The following DHX37 variants were observed in gnomAD, a reference collection of about 807,000 sequenced individuals.
DHX37 encodes DEAH-box helicase 37.
Under a neutral mutation model 134.3 loss-of-function variants are expected in DHX37, and 52 were observed. The ratio of observed to expected loss-of-function variants is 0.39; its 90% CI spans 0.31 to 0.49. The LOEUF (loss-of-function observed/expected upper bound fraction) is 0.49, where lower values mean the gene tolerates loss of function less well. Ranked by LOEUF, DHX37 falls within the 20% of genes least tolerant of loss-of-function variation. DHX37 has a pLI of 0.93. For missense variants in DHX37, 1,344 were observed against 1,580.8 expected (o/e 0.85, Z 2.54); for synonymous variants, 634 against 670.7 (o/e 0.95, Z 0.85).
chr12:124,947,832 C>G lies in DHX37; in HGVS notation c.3444G>C (p.Glu1148Asp). The part of the protein sequence containing the change: ...WLPQAMHPDI[E>D]KAWPPTTVH ...GGACAGTGGTGGGGGGCCAGGCTTTCTCGATATCGGGGTGCATGGCCTGTG... is the reference window on the plus strand; with the variant it reads ...GGACAGTGGTGGGGGGCCAGGCTTTGTCGATATCGGGGTGCATGGCCTGTG... The change falls in exon 27 of 27, where the codon GAG (glutamate) becomes GAC (aspartate). Residue 1148 changes from glutamate (E) to aspartate (D), a missense_variant. By Grantham distance (45) the Glu-to-Asp change is conservative. Around this residue, in one of 7 missense-constraint regions of DHX37, gnomAD observed 558 missense variants for 650.0 expected, o/e 0.86. Transcript: ENST00000308736. The G allele has an allele frequency of 6.2e-7, 1 of 1,600,774 alleles. No individual in the cohort carries two copies. Among genetic ancestry groups the G allele is most frequent in the Non-Finnish European group, 8.5e-7 (1 of 1,172,676 alleles).
rs557443291 is a variant in DHX37 at position 124,947,562 on chromosome 12, T to G, written c.*240A>C. On this transcript the variant is annotated 3_prime_UTR_variant, in exon 27 of 27. Transcript: ENST00000308736. ...ACAGAACAGCGTCCAGCACGTGAGA[T>G]GAAATCATCATCCACCATATAATAA... 7 of 507,060 alleles carry G rather than the reference T, an allele frequency of 1.4e-5. No individual in the cohort carries two copies. In the South Asian group the frequency reaches 2.1e-4, roughly 15 times the overall value. The allele number at this position is 507,060 out of a possible 1,614,324, so 31.4% of individuals were successfully genotyped here.
intron 13 of DHX37, 35 bp from the exon 14 acceptor site, chr12:124,965,041 C>T (rs376879724): frequency 1.1e-5 from 17 of 1,573,092 alleles, no homozygotes; most frequent in East Asian, 4.6e-5. Flanking sequence ...GCACCCAGGC[C>T]GGGACAGATG....
In DHX37 at chr12:124,971,422, G is replaced by T. The variant is rs766592336; in HGVS notation, c.1078-7C>A. ...ACCGCAGCAGCAGGAAGTCCTGGGGGGAGGTCCGGGGTGAGGCCCACCCTT... is the reference window on the plus strand; with the variant it reads ...ACCGCAGCAGCAGGAAGTCCTGGGGTGAGGTCCGGGGTGAGGCCCACCCTT... On this transcript the variant is annotated splice_region_variant and splice_polypyrimidine_tract_variant and intron_variant, in intron 7 of 26. Transcript: ENST00000308736. 1.1e-5 allele frequency: 18 copies of T among 1,612,490 alleles called. No individual in the cohort carries two copies. In the South Asian group the frequency reaches 2.0e-4, roughly 18 times the overall value.
At chr12:124,951,367 A>ATGACATGTC (rs1953974404) in intron 21 of DHX37, among the ~76,000 whole-genome samples, 1 of 152,076 alleles carries the variant, frequency 6.6e-6, no homozygotes, top group Non-Finnish European at 1.5e-5. Context: ...GAGGCCAGAC[A>ATGACATGTC]TGAAAAGCCA....
chr12:124,966,673 A>T, intron 12 of DHX37, 120 bp downstream of exon 12: 2 of 1,113,668 alleles, frequency 1.8e-6, no homozygotes, highest in South Asian at 2.8e-5. Flanking sequence ...CAGGAACTGG[A>T]TTTTTAACTT....
rs1244203130 is a variant in DHX37 at position 124,961,283 on chromosome 12, CACACTT to C, written c.2046-866_2046-861del. 4.0e-5 allele frequency among the ~76,000 whole-genome samples: 5 copies of C among 125,944 alleles called. 1 individual carries two copies. Among genetic ancestry groups the C allele is most frequent in the African/African-American group, 1.2e-4 (4 of 33,638 alleles). 82.6% of individuals were successfully genotyped at this position (125,944 alleles called of 152,430 possible). ...ACACACATACACGCGTGCACGCACA[CACACTT>C]ACACGCGTGCACGCACGCACACACA... On this transcript the variant is annotated intron_variant, in intron 15 of 26. Transcript: ENST00000308736.
At position 124,947,983 on chromosome 12, in the gene DHX37, T is replaced by A. The variant is rs763194368; in HGVS notation, c.3389-96A>T. 4 of 1,612,936 alleles carry A rather than the reference T, an allele frequency of 2.5e-6. No individual in the cohort carries two copies. The Admixed American group carries it at 6.7e-5, about 27-fold the overall frequency. ...GCTGGCCAGCAGCCGTGGGGCCAGA[T>A]CCTTCTGCCAAGCCAGGGCTGACCG... On this transcript the variant is annotated intron_variant, in intron 26 of 26. Transcript: ENST00000308736.
rs770178274 is a variant in DHX37 at position 124,950,684 on chromosome 12, C to T, written c.2983+6G>A. ...GGGACAAGGGGCTGTCCGCAGGCCT[C>T]GGCACCTTTCATGTACATCTTAGTG... On this transcript the variant is annotated splice_donor_region_variant and intron_variant, in intron 22 of 26. Transcript: ENST00000308736. 9 of 1,612,126 alleles carry T rather than the reference C, an allele frequency of 5.6e-6. No individual in the cohort carries two copies. Among genetic ancestry groups the T allele is most frequent in the East Asian group, 2.2e-5 (1 of 44,866 alleles).
intron 2 of DHX37, among the ~76,000 whole-genome samples, chr12:124,983,560 G>A (rs1299871222): frequency 4.0e-5 from 6 of 151,692 alleles, no homozygotes; most frequent in African/African-American, 1.5e-4. Flanking sequence ...CGAGGCGGGT[G>A]GATCACCTGA....
chr12:124,989,099 G>A lies in DHX37; in HGVS notation c.-77C>T, dbSNP rs892721819. 3.1e-6 allele frequency: 3 copies of A among 954,344 alleles called. No homozygotes were observed. Among genetic ancestry groups the A allele is most frequent in the Non-Finnish European group, 4.2e-6 (3 of 720,634 alleles). 59.1% of individuals were successfully genotyped at this position (954,344 alleles called of 1,614,324 possible). On this transcript the variant is annotated 5_prime_UTR_variant, in exon 1 of 27. Transcript: ENST00000308736. ...GAAACCCAGCCCACGTGGGTTCCCA[G>A]ACCACCAACTCCGGCCGTGAGACTT...
Position 124,956,583 on chromosome 12 carries a change from G to T in DHX37, c.2453+108C>A, listed in dbSNP as rs188104729. The T allele has an allele frequency of 1.5e-5, 20 of 1,358,392 alleles. No individual in the cohort carries two copies. The Admixed American group carries it at 5.1e-4, about 34-fold the overall frequency. 84.1% of individuals were successfully genotyped at this position (1,358,392 alleles called of 1,614,324 possible). On this transcript the variant is annotated intron_variant, in intron 18 of 26. Transcript: ENST00000308736. ...AGCTCACTGCAACCTCTACCTCCTG[G>T]GTTCAAATGATTCTTCTACCTCAGC...
At chr12:124,950,357 C>T (rs113303531) in intron 23 of DHX37, 56 bp downstream of exon 23, 87 of 1,593,662 alleles carry the variant, frequency 5.5e-5, no homozygotes, top group Admixed American at 6.9e-5. Context: ...ACCGTGTGTC[C>T]GAGAAGCCCA....
At chr12:124,957,181 C>A in intron 16 of DHX37, 46 bp from the exon 17 acceptor site, 1 of 1,452,824 alleles carries the variant, frequency 6.9e-7, no homozygotes, top group South Asian at 1.5e-5. Flanking sequence ...ATGCCAAGAA[C>A]AAGTCCGGTG....
intron 3 of DHX37, among the ~76,000 whole-genome samples, chr12:124,981,308 C>G (rs1954754524): frequency 6.6e-6 from 1 of 151,212 alleles, no homozygotes; most frequent in South Asian, 2.1e-4. Context: ...CCAGTCAGGC[C>G]TCATGTAAAT....
chr12:124,954,360 A>T, intron 18 of DHX37, 149 bp from the exon 19 acceptor site: 1 of 1,235,462 alleles, frequency 8.1e-7, no homozygotes, highest in Non-Finnish European at 1.1e-6. Context: ...CCAGCTCAAA[A>T]TTCACCATTG....
intron 5 of DHX37, among the ~76,000 whole-genome samples, chr12:124,976,571 T>TGTA (rs1565890905): frequency 6.6e-6 from 1 of 152,186 alleles, no homozygotes; most frequent in African/African-American, 2.4e-5. Context: ...GGCTCATGCC[T>TGTA]GTAATCCCAG....
Position 124,950,871 on chromosome 12 carries a change from C to T in DHX37, c.2869-67G>A. On this transcript the variant is annotated intron_variant, in intron 21 of 26. Transcript: ENST00000308736. ...GCCCAGGGGCTCCGCATACTTTCAACCCAGGAGAAGAATCTGATTATCCAC... is the reference window on the plus strand; with the variant it reads ...GCCCAGGGGCTCCGCATACTTTCAATCCAGGAGAAGAATCTGATTATCCAC... 2.7e-6 allele frequency: 4 copies of T among 1,496,268 alleles called. No individual in the cohort carries two copies. In the South Asian group the frequency reaches 5.4e-5, roughly 20 times the overall value. The allele number at this position is 1,496,268 out of a possible 1,614,324, so 92.7% of individuals were successfully genotyped here.
Position 124,975,632 on chromosome 12 carries a change from A to G in DHX37, c.888-121T>C, listed in dbSNP as rs1381717839. On this transcript the variant is annotated intron_variant, in intron 5 of 26. Transcript: ENST00000308736. ...CTGGCGCTCACCCAGGGGCGGTGGG[A>G]AACAGTGCCAGGTTGCACTACTTTT... The G allele has an allele frequency of 7.0e-6, 7 of 1,007,132 alleles. No homozygotes were observed. The Admixed American group carries it at 1.3e-4, about 19-fold the overall frequency. 62.4% of individuals were successfully genotyped at this position (1,007,132 alleles called of 1,614,324 possible).
intron 25 of DHX37, chr12:124,948,415 A>G (rs1953913923): frequency 1.4e-6 from 1 of 690,258 alleles, no homozygotes; most frequent in South Asian, 2.0e-5. Flanking sequence ...GCACCACTGC[A>G]CTCCAGCCTG....
Sources: gnomAD v4.1 joint callset for allele counts (sites outside exome capture counted in the v4.1 genomes callset) on GRCh38, gnomAD v4.1.1 for gene constraint, gnomAD v4.1.1 regional missense constraint, MANE v1.5 for transcripts, NCBI Gene and HGNC (gene_info 2026-07-23, HGNC 2026-07-21) for gene names.